Variants in FBRSL1 observed in about 807,000 individuals in gnomAD.
FBRSL1 encodes the protein fibrosin like 1.
Under a neutral mutation model 89.6 loss-of-function variants are expected in FBRSL1, and 51 were observed. The ratio of observed to expected loss-of-function variants is 0.57; its 90% CI spans 0.45 to 0.72. The LOEUF (loss-of-function observed/expected upper bound fraction) is 0.72. Among genes scored for constraint, FBRSL1 ranks in the 30% least tolerant of loss-of-function variants. The pLI, the probability that FBRSL1 is intolerant of heterozygous loss-of-function variation, is 0.00. For missense variants in FBRSL1, 1,618 were observed against 1,451.8 expected, an observed-to-expected ratio of 1.11 and a Z score of -1.86; for synonymous variants, 779 against 681.1, an observed-to-expected ratio of 1.14 and a Z score of -2.24.
intron 1 of FBRSL1, among the ~76,000 whole-genome samples, chr12:132,498,397 T>C (rs998296307): frequency 1.3e-5 from 2 of 152,188 alleles, no homozygotes; most frequent in Admixed American, 1.3e-4. Context: ...CAATCCCGGC[T>C]GGAGGCTGAG....
chr12:132,570,226 G>A lies in FBRSL1; in HGVS notation c.992G>A (p.Gly331Asp), dbSNP rs2137870782. 6.7e-7 allele frequency: 1 copy of A among 1,495,590 alleles called. No individual in the cohort carries two copies. Among genetic ancestry groups the A allele is most frequent in the Non-Finnish European group, 8.8e-7 (1 of 1,131,650 alleles). The allele number at this position is 1,495,590 out of a possible 1,614,324, so 92.6% of individuals were successfully genotyped here. ...GGCCACAGCCAGGCGGCAGCCAACG[G>A]CCTGCACGGCCTCAGGTGGGGTCCC... ...FAGHSQAAAN[G>D]LHGLSRSSSA... The change falls in exon 7 of 19, where the codon GGC (glycine) becomes GAC (aspartate). Residue 331 changes from glycine to aspartate, a missense_variant. By Grantham distance (94) the Gly-to-Asp change is moderately conservative. Coordinates refer to ENST00000680143, the MANE Select transcript of FBRSL1 (RefSeq NM_001367871.1).
chr12:132,539,730 G>A (rs79181792), intron 4 of FBRSL1, among the ~76,000 whole-genome samples: 1 of 9,262 alleles, frequency 1.1e-4, no homozygotes, highest in African/African-American at 4.8e-4. Context: ...TCCCAGCCCC[G>A]TGCCCCCACC....
intron 4 of FBRSL1, among the ~76,000 whole-genome samples, chr12:132,531,638 C>T (rs115432967): frequency 0.013 from 2,021 of 152,070 alleles, 43 homozygotes; most frequent in African/African-American, 0.045. Context: ...GTGCACATGG[C>T]GTTGCGTGTT....
At chr12:132,572,425 G>A (rs368253619) in intron 10 of FBRSL1, 81 bp downstream of exon 10, 17 of 1,511,292 alleles carry the variant, frequency 1.1e-5, no homozygotes, top group African/African-American at 6.9e-5. Context: ...GCTGCCCCTC[G>A]CCTGGCCTCG....
intron 2 of FBRSL1, among the ~76,000 whole-genome samples, chr12:132,520,346 T>G: frequency 6.6e-6 from 1 of 152,142 alleles, no homozygotes; most frequent in East Asian, 1.9e-4. Context: ...CCCAGGGCTC[T>G]CCCATCTCTT....
At chr12:132,510,393 T>C in intron 2 of FBRSL1, 1 of 1,231,754 alleles carries the variant, frequency 8.1e-7, no homozygotes, top group Non-Finnish European at 1.0e-6. Flanking sequence ...GTGGACCCGA[T>C]CCTGTGCCCC....
chr12:132,564,916 GCGGC>G (rs369220062), intron 5 of FBRSL1, among the ~76,000 whole-genome samples: 2 of 141,808 alleles, frequency 1.4e-5, no homozygotes, highest in Non-Finnish European at 3.0e-5. Context: ...GGCGTGAGCC[GCGGC>G]CGGCCGCCCT....
chr12:132,538,254 G>A (rs4883521), intron 4 of FBRSL1, among the ~76,000 whole-genome samples: 69,173 of 152,140 alleles, frequency 0.45, 16,332 homozygotes, highest in Middle Eastern at 0.54. Context: ...TCTCGCCGAC[G>A]CAGGGCTCTC....
At chr12:132,536,007 G>C (rs1168147803) in intron 4 of FBRSL1, among the ~76,000 whole-genome samples, 1 of 152,054 alleles carries the variant, frequency 6.6e-6, no homozygotes, top group Non-Finnish European at 1.5e-5. Flanking sequence ...ATGATGCGTG[G>C]ATGTTTGTAC....
rs920914336 is a variant in FBRSL1, at chr12:132,546,962, C to T, written c.616-1041C>T. On this transcript the variant is annotated intron_variant, in intron 4 of 18. Coordinates refer to ENST00000680143, the MANE Select transcript of FBRSL1 (RefSeq NM_001367871.1). The surrounding 1 kb of genome is among the most constrained non-coding windows in gnomAD (Gnocchi z 4.0). ...ACCCAGTGGGCTCCACATAGGAGGG[C>T]GCCGCCCACACATCCGGCTGGCACT... 1.3e-5 allele frequency among the ~76,000 whole-genome samples: 2 copies of T among 152,250 alleles called. No homozygotes were observed. Among genetic ancestry groups the T allele is most frequent in the African/African-American group, 2.4e-5 (1 of 41,474 alleles).
At chr12:132,557,317 G>T (rs538906860) in intron 5 of FBRSL1, among the ~76,000 whole-genome samples, 3 of 152,192 alleles carry the variant, frequency 2.0e-5, no homozygotes, top group African/African-American at 7.2e-5. Context: ...CCTGCTCTCC[G>T]GTGAATGCCT....
chr12:132,547,084 CCT>C (rs1818324019), intron 4 of FBRSL1, among the ~76,000 whole-genome samples: 1 of 152,196 alleles, frequency 6.6e-6, no homozygotes, highest in Non-Finnish European at 1.5e-5. Flanking sequence ...GGATTTTTCC[CCT>C]TTTGACTGTT....
At chr12:132,569,782 G>A (rs1295029569) in intron 6 of FBRSL1, 144 bp from the exon 7 acceptor site, 13 of 572,168 alleles carry the variant, frequency 2.3e-5, no homozygotes, top group South Asian at 8.9e-5. Context: ...TGTGGCCTCC[G>A]TGCCTGCCTC....
Position 132,572,568 on chromosome 12 carries a change from C to A in FBRSL1, c.1476C>A (p.Thr492=), listed in dbSNP as rs769857540. ...SFPPAIPGLP[T]LLPHPGPFGS... The stretch of plus-strand genomic sequence containing the variant: ...CTCCTGCCATCCCGGGACTGCCCAC[C>A]CTGCTCCCACACCCCGGCCCCTTCG... The change falls in exon 11 of 19, where the codon ACC becomes ACA. Residue 492 remains threonine (T), a synonymous_variant. Transcript: ENST00000680143. 3.9e-6 allele frequency: 6 copies of A among 1,551,372 alleles called. No individual in the cohort carries two copies. In the South Asian group the frequency reaches 7.1e-5, roughly 18 times the overall value.
chr12:132,543,963 G>A (rs1182393574), intron 4 of FBRSL1, among the ~76,000 whole-genome samples: 1 of 152,166 alleles, frequency 6.6e-6, no homozygotes, highest in East Asian at 1.9e-4. Context: ...GACTCGTGCC[G>A]CTGAGTGGTC....
intron 4 of FBRSL1, among the ~76,000 whole-genome samples, chr12:132,545,108 G>C (rs373208488): frequency 1.3e-5 from 2 of 152,142 alleles, no homozygotes; most frequent in Non-Finnish European, 2.9e-5. Context: ...CGCCCAGTGT[G>C]GGGCAGTGCG....
At chr12:132,551,176 G>C (rs551934591) in intron 5 of FBRSL1, 3 of 347,536 alleles carry the variant, frequency 8.6e-6, no homozygotes, top group African/African-American at 6.4e-5. Context: ...GGGGTGCTTC[G>C]CATCAGCAGT....
intron 2 of FBRSL1, chr12:132,509,404 G>A (rs935323740): frequency 2.3e-5 from 29 of 1,242,292 alleles, no homozygotes; most frequent in Middle Eastern, 3.1e-4. Context: ...CAGCCCCGGC[G>A]GTCACTTCTG....
chr12:132,491,572 C>G (rs1189655355), intron 1 of FBRSL1, among the ~76,000 whole-genome samples: 3 of 152,240 alleles, frequency 2.0e-5, no homozygotes, highest in Non-Finnish European at 4.4e-5. Context: ...CGAGGTGTGC[C>G]CCGTGCAGCA....
Sources: gnomAD v4.1 joint callset for allele counts (sites outside exome capture counted in the v4.1 genomes callset) on GRCh38, gnomAD v4.1.1 for gene constraint, Gnocchi (gnomAD v3.1) non-coding constraint, MANE v1.5 for transcripts, NCBI Gene and HGNC (gene_info 2026-07-23, HGNC 2026-07-21) for gene names.